ATP6V0D2: variants seen among roughly 807,000 people sequenced by gnomAD.
ATP6V0D2 encodes ATPase H+ transporting V0 subunit d2.
A neutral mutation model predicts 40.0 loss-of-function variants in ATP6V0D2; 40 were observed. That is an observed-to-expected ratio of 1.00 (90% CI 0.78 to 1.30). ATP6V0D2 has a LOEUF of 1.30. Ranked by LOEUF, ATP6V0D2 falls within the 50% of genes most tolerant of loss-of-function variation. The probability of loss-of-function intolerance (pLI) is 0.00; values close to 1 mark genes in which losing one functional copy is unlikely to be tolerated. For missense variants in ATP6V0D2, 470 were observed against 423.1 expected (o/e 1.11, Z -0.97); for synonymous variants, 179 against 156.3 (o/e 1.15, Z -1.08).
chr8:86,102,005 C>T (rs917823068), intron 1 of ATP6V0D2, among the ~76,000 whole-genome samples: 3 of 152,162 alleles, frequency 2.0e-5, no homozygotes, highest in African/African-American at 7.2e-5. Context: ...ATTTCATGTC[C>T]TCTGTTAGTT....
chr8:86,136,637 A>G (rs1818900907), intron 2 of ATP6V0D2, among the ~76,000 whole-genome samples: 1 of 152,102 alleles, frequency 6.6e-6, no homozygotes, highest in Non-Finnish European at 1.5e-5. Flanking sequence ...GCTTTTTATA[A>G]AGGGATAATT....
At chr8:86,138,274 C>T (rs1390407012) in intron 2 of ATP6V0D2, among the ~76,000 whole-genome samples, 2 of 152,218 alleles carry the variant, frequency 1.3e-5, no homozygotes, top group Non-Finnish European at 2.9e-5. Context: ...ACTTGACTGT[C>T]ATTTCTCTAG....
intron 1 of ATP6V0D2, among the ~76,000 whole-genome samples, chr8:86,112,350 T>A (rs1818537189): frequency 6.6e-6 from 1 of 152,120 alleles, no homozygotes; most frequent in Non-Finnish European, 1.5e-5. Flanking sequence ...TAAAATAAAG[T>A]TTTAAGTGAC....
intron 5 of ATP6V0D2, among the ~76,000 whole-genome samples, chr8:86,146,401 T>C (rs1041989078): frequency 2.6e-5 from 4 of 151,238 alleles, no homozygotes; most frequent in Admixed American, 6.6e-5. Context: ...CAAACAGCAT[T>C]AAAAAAAAAT....
intron 1 of ATP6V0D2, among the ~76,000 whole-genome samples, chr8:86,107,251 C>T (rs1343140567): frequency 6.6e-6 from 1 of 151,924 alleles, no homozygotes; most frequent in Non-Finnish European, 1.5e-5. Context: ...GGACATTCAG[C>T]AAGCAGATAA....
intron 2 of ATP6V0D2, among the ~76,000 whole-genome samples, chr8:86,122,031 T>G (rs1413850798): frequency 2.0e-5 from 3 of 152,230 alleles, no homozygotes; most frequent in Non-Finnish European, 4.4e-5. Flanking sequence ...TATACACAGT[T>G]GTGTGAAACA....
intron 1 of ATP6V0D2, among the ~76,000 whole-genome samples, chr8:86,103,825 GT>G (rs1421951869): frequency 1.3e-5 from 2 of 151,962 alleles, no homozygotes; most frequent in Admixed American, 1.3e-4. Context: ...ATGTGGCATA[GT>G]TTTTTGTTGT....
intron 1 of ATP6V0D2, 134 bp downstream of exon 1, chr8:86,099,242 C>A: frequency 2.1e-6 from 2 of 954,752 alleles, no homozygotes; most frequent in Non-Finnish European, 2.8e-6. Context: ...TTCCTGCAGT[C>A]CAGATTTCTG....
chr8:86,110,886 G>C (rs1303807169), intron 1 of ATP6V0D2, among the ~76,000 whole-genome samples: 1 of 152,042 alleles, frequency 6.6e-6, no homozygotes, highest in South Asian at 2.1e-4. Flanking sequence ...TAAGACCTCC[G>C]CCAGGCAGGT....
At position 86,101,370 on chromosome 8, in the gene ATP6V0D2, G is replaced by A. The variant is rs184180453; in HGVS notation, c.130+2262G>A. 2.6e-3 allele frequency among the ~76,000 whole-genome samples: 388 copies of A among 150,736 alleles called. 3 individuals are homozygous for A. Among genetic ancestry groups the A allele is most frequent in the African/African-American group, 9.0e-3 (370 of 41,024 alleles). ...AGCTGCTTGGGAGGCTGTGGCAGGA[G>A]GATGGCTTGAGCCCAAAAGGTTGAA... is the stretch of plus-strand genomic sequence containing the variant. On this transcript the variant is annotated intron_variant, in intron 1 of 7. Transcript: ENST00000285393.
chr8:86,139,354 G>T (rs1818941502), intron 2 of ATP6V0D2, 103 bp from the exon 3 acceptor site: 7 of 940,288 alleles, frequency 7.4e-6, no homozygotes, highest in Non-Finnish European at 9.2e-6. Flanking sequence ...TGTATTTTCT[G>T]AATGAAACAG....
At chr8:86,118,081 CTTTCTTTTT>C (rs1818618260) in intron 2 of ATP6V0D2, among the ~76,000 whole-genome samples, 2 of 52,152 alleles carry the variant, frequency 3.8e-5, no homozygotes, top group Non-Finnish European at 8.3e-5. Context: ...TTCTTTCTTT[CTTTCTTTTT>C]TTTTTTTTTT....
chr8:86,132,484 C>G (rs1266630107), intron 2 of ATP6V0D2, among the ~76,000 whole-genome samples: 1 of 152,062 alleles, frequency 6.6e-6, no homozygotes, highest in Non-Finnish European at 1.5e-5. Flanking sequence ...CCCTCCCTAC[C>G]ACCCACCATT....
chr8:86,107,576 T>C (rs566307453), intron 1 of ATP6V0D2, among the ~76,000 whole-genome samples: 61 of 152,364 alleles, frequency 4.0e-4, no homozygotes, highest in Middle Eastern at 3.4e-3. Context: ...AAAACCATTC[T>C]GGCAATGGTA....
chr8:86,115,858 A>G (rs776446861), intron 2 of ATP6V0D2, among the ~76,000 whole-genome samples: 5 of 152,194 alleles, frequency 3.3e-5, no homozygotes, highest in Non-Finnish European at 5.9e-5. Flanking sequence ...TTCTCACACT[A>G]TAGCAGATAT....
chr8:86,146,169 A>G (rs16889910), intron 5 of ATP6V0D2, among the ~76,000 whole-genome samples: 2,298 of 152,334 alleles, frequency 0.015, 70 homozygotes, highest in African/African-American at 0.052. Context: ...ATTGTGTACT[A>G]TAAAAATTGG....
At chr8:86,102,978 T>C (rs1226855861) in intron 1 of ATP6V0D2, among the ~76,000 whole-genome samples, 2 of 152,188 alleles carry the variant, frequency 1.3e-5, no homozygotes, top group African/African-American at 4.8e-5. Context: ...AAATAAGACT[T>C]TTGGAAATAT....
chr8:86,126,271 TATATAGTATAAAGTTCAG>T (rs1196038355), intron 2 of ATP6V0D2, among the ~76,000 whole-genome samples: 18 of 143,090 alleles, frequency 1.3e-4, no homozygotes, highest in African/African-American at 4.3e-4. Context: ...TATCTTTTTG[TATATAGTATAAAGTTCAG>T]GTGTACATGT....
At chr8:86,103,518 A>G (rs913656290) in intron 1 of ATP6V0D2, among the ~76,000 whole-genome samples, 1 of 152,022 alleles carries the variant, frequency 6.6e-6, no homozygotes, top group Non-Finnish European at 1.5e-5. Flanking sequence ...CCCCCCTGTC[A>G]AGGGGCTTGA....
Sources: allele counts gnomAD v4.1 joint callset (sites outside exome capture counted in the v4.1 genomes callset), GRCh38; gene constraint gnomAD v4.1.1; transcripts MANE v1.5; gene names NCBI Gene and HGNC (gene_info 2026-07-23, HGNC 2026-07-21).